Variants in RBFOX1 observed in about 807,000 individuals in gnomAD.
RBFOX1 encodes RNA binding protein fox-1 homolog 1.
A neutral mutation model predicts 57.7 loss-of-function variants in RBFOX1; 8 were observed. That is an observed-to-expected ratio of 0.14 (90% CI 0.08 to 0.25). The LOEUF (loss-of-function observed/expected upper bound fraction) is 0.25, where lower values mean the gene tolerates loss of function less well. Among genes scored for constraint, RBFOX1 ranks in the 10% least tolerant of loss-of-function variants. The pLI is 1.00. For missense variants in RBFOX1, 611 were observed against 548.5 expected, an observed-to-expected ratio of 1.11 and a Z score of -1.14; for synonymous variants, 326 against 222.4, an observed-to-expected ratio of 1.47 and a Z score of -4.15.
At chr16:5,499,583 T>A (rs963823139) in intron 2 of RBFOX1, among the ~76,000 whole-genome samples, 4 of 152,190 alleles carry the variant, frequency 2.6e-5, no homozygotes, top group Admixed American at 6.5e-5. Flanking sequence ...TTTTAAATTT[T>A]TTTTTTTGAG....
At chr16:7,570,124 T>A (rs2092621078) in intron 5 of RBFOX1, among the ~76,000 whole-genome samples, 3 of 151,596 alleles carry the variant, frequency 2.0e-5, no homozygotes, top group African/African-American at 7.3e-5. Context: ...AATAATATCC[T>A]TAATAAATTG....
In RBFOX1 at chr16:7,245,020, A is replaced by C. The variant is rs192227332; in HGVS notation, c.27+192922A>C. Among the ~76,000 whole-genome samples, 520 of 152,250 alleles carry C rather than the reference A, an allele frequency of 3.4e-3. 2 individuals carry two copies. The highest frequency in any genetic ancestry group is 0.012 in the African/African-American group (488 of 41,540). On this transcript the variant is annotated intron_variant, in intron 4 of 15. Transcript: ENST00000550418. ...TGCAGCTGCTCCTCAGCTGCATACC[A>C]TTTTCATGAATTAGAAATATACCAG...
chr16:7,492,786 C>A (rs927551358), intron 4 of RBFOX1, among the ~76,000 whole-genome samples: 1 of 152,174 alleles, frequency 6.6e-6, no homozygotes, highest in African/African-American at 2.4e-5. Context: ...CTTGCCCCGA[C>A]TCTCACCATG....
intron 3 of RBFOX1, among the ~76,000 whole-genome samples, chr16:5,747,689 G>T (rs952750885): frequency 6.6e-5 from 10 of 152,136 alleles, no homozygotes; most frequent in African/African-American, 2.4e-4. Context: ...ACTATTCTTT[G>T]ATGGTAGTAT....
At chr16:6,443,374 C>T (rs1306660105) in intron 2 of RBFOX1, among the ~76,000 whole-genome samples, 1 of 149,904 alleles carries the variant, frequency 6.7e-6, no homozygotes, top group Non-Finnish European at 1.5e-5. Context: ...AAAAATATTT[C>T]TTCTGTTGCT....
rs566694505 is a variant in RBFOX1 at position 5,404,679 on chromosome 16, A to G, written c.220-62537A>G. Among the ~76,000 whole-genome samples, 209 of 152,292 alleles carry G rather than the reference A, an allele frequency of 1.4e-3. 4 individuals are homozygous for G. The highest frequency in any genetic ancestry group is 0.011 in the Admixed American group (163 of 15,294). On this transcript the variant is annotated intron_variant, in intron 1 of 2. Transcript: ENST00000585867. ...TCTGTGCACAGATGCTGTTGTGCATACCTGGGGGATAGGGAAACCCATGCA... is the reference window on the plus strand; with the variant it reads ...TCTGTGCACAGATGCTGTTGTGCATGCCTGGGGGATAGGGAAACCCATGCA...
At chr16:5,534,504 G>C (rs79637926) in intron 2 of RBFOX1, among the ~76,000 whole-genome samples, 7 of 152,288 alleles carry the variant, frequency 4.6e-5, no homozygotes, top group African/African-American at 1.4e-4. Flanking sequence ...AAATCTAAGA[G>C]TCAAAAGGTC....
intron 4 of RBFOX1, among the ~76,000 whole-genome samples, chr16:7,365,259 G>T (rs986441934): frequency 6.6e-6 from 1 of 152,120 alleles, no homozygotes; most frequent in Non-Finnish European, 1.5e-5. Context: ...ACACTCAATG[G>T]GGTAATAAAT....
At chr16:6,899,811 A>T (rs1485442679) in intron 3 of RBFOX1, among the ~76,000 whole-genome samples, 2 of 152,230 alleles carry the variant, frequency 1.3e-5, no homozygotes, top group Non-Finnish European at 2.9e-5. Flanking sequence ...TTTTCATTGC[A>T]AGAGGAAAGC....
At chr16:6,920,794 G>C (rs1312111587) in intron 3 of RBFOX1, among the ~76,000 whole-genome samples, 2 of 152,154 alleles carry the variant, frequency 1.3e-5, no homozygotes, top group Non-Finnish European at 2.9e-5. Context: ...CCTCTTAGGA[G>C]AACATCCACC....
At chr16:5,868,303 G>C (rs1167541571) in intron 4 of RBFOX1, among the ~76,000 whole-genome samples, 1 of 152,050 alleles carries the variant, frequency 6.6e-6, no homozygotes, top group Admixed American at 6.5e-5. Flanking sequence ...GGAACCCTAA[G>C]CATGTGGAGG....
intron 2 of RBFOX1, among the ~76,000 whole-genome samples, chr16:6,378,270 G>A (rs933170404): frequency 6.6e-6 from 1 of 152,152 alleles, no homozygotes; most frequent in Non-Finnish European, 1.5e-5. Flanking sequence ...CTTCCCCTCC[G>A]TGCTCACCTT....
intron 4 of RBFOX1, among the ~76,000 whole-genome samples, chr16:7,306,601 G>GTA (rs746378888): frequency 6.6e-6 from 1 of 151,654 alleles, no homozygotes; most frequent in Admixed American, 6.6e-5. Flanking sequence ...GTGTGTGTGT[G>GTA]TGTATTTTCT....
chr16:7,241,680 TC>T (rs2094068330), intron 4 of RBFOX1, among the ~76,000 whole-genome samples: 1 of 152,136 alleles, frequency 6.6e-6, no homozygotes, highest in Non-Finnish European at 1.5e-5. Flanking sequence ...TTACAAAAAA[TC>T]TACATCTGGA....
chr16:7,312,698 G>T (rs542757029), intron 4 of RBFOX1, among the ~76,000 whole-genome samples: 3 of 152,142 alleles, frequency 2.0e-5, no homozygotes, highest in Non-Finnish European at 2.9e-5. Flanking sequence ...AATAAAAATT[G>T]TCTTGCTCTT....
rs558176121 is a variant in RBFOX1 at position 5,371,573 on chromosome 16, T to G, written c.220-95643T>G. On this transcript the variant is annotated intron_variant, in intron 1 of 2. Coordinates refer to the RBFOX1 transcript ENST00000585867. ...TAGCAGACTGCTGTATCTACCTCCC[T>G]TGTAATGAGTGCTTATGAACTGAAT... Among the ~76,000 whole-genome samples, 7 of 152,332 alleles carry G rather than the reference T, an allele frequency of 4.6e-5. No individual in the cohort carries two copies. The South Asian group carries it at 1.2e-3, about 27-fold the overall frequency.
intron 4 of RBFOX1, among the ~76,000 whole-genome samples, chr16:5,902,606 G>C (rs963197719): frequency 6.6e-6 from 1 of 152,016 alleles, no homozygotes; most frequent in Admixed American, 6.6e-5. Flanking sequence ...AGTAGAGACA[G>C]GATTTCACTA....
intron 1 of RBFOX1, among the ~76,000 whole-genome samples, chr16:5,382,791 T>C (rs2066162771): frequency 6.6e-6 from 1 of 152,260 alleles, no homozygotes; most frequent in Non-Finnish European, 1.5e-5. Flanking sequence ...TATTGAGTGC[T>C]TACAATATGC....
At chr16:5,721,650 A>G (rs1235227494) in intron 3 of RBFOX1, among the ~76,000 whole-genome samples, 1 of 152,068 alleles carries the variant, frequency 6.6e-6, no homozygotes, top group Non-Finnish European at 1.5e-5. Context: ...TTATGTTCCT[A>G]GATTATTGAG....
Sources: allele counts gnomAD v4.1 joint callset (sites outside exome capture counted in the v4.1 genomes callset), GRCh38; gene constraint gnomAD v4.1.1; transcripts MANE v1.5; gene names NCBI Gene and HGNC (gene_info 2026-07-23, HGNC 2026-07-21).